Variants in CNTN1 observed in about 807,000 individuals in gnomAD.
CNTN1 encodes the protein contactin 1.
A neutral mutation model predicts 126.4 loss-of-function variants in CNTN1; 38 were observed. The observed-to-expected ratio is 0.30, with a 90% confidence interval of 0.23 to 0.39. CNTN1 has a LOEUF of 0.39. Ranked by LOEUF, CNTN1 falls within the 10% of genes least tolerant of loss-of-function variation. The pLI, the probability that CNTN1 is intolerant of heterozygous loss-of-function variation, is 1.00. For missense variants in CNTN1, 1,009 were observed against 1,248.4 expected, an observed-to-expected ratio of 0.81 and a Z score of 2.89; for synonymous variants, 413 against 422.6, an observed-to-expected ratio of 0.98 and a Z score of 0.28.
At chr12:40,821,002 C>T (rs1050531054) in intron 1 of CNTN1, among the ~76,000 whole-genome samples, 2 of 152,164 alleles carry the variant, frequency 1.3e-5, no homozygotes, top group African/African-American at 4.8e-5. Context: ...GATGACGTCA[C>T]TCCACATTAA....
chr12:41,010,865 GTT>G (rs35933164), intron 17 of CNTN1, among the ~76,000 whole-genome samples: 2 of 145,034 alleles, frequency 1.4e-5, no homozygotes, highest in African/African-American at 2.5e-5. Flanking sequence ...ACTAGGGTTT[GTT>G]TTTTTTTTTA....
intron 1 of CNTN1, among the ~76,000 whole-genome samples, chr12:40,890,874 G>C (rs1944216904): frequency 6.6e-6 from 1 of 152,134 alleles, no homozygotes; most frequent in Non-Finnish European, 1.5e-5. Context: ...GAGTGTGATT[G>C]CTGGATCATA....
intron 16 of CNTN1, among the ~76,000 whole-genome samples, chr12:40,992,459 C>A (rs182381738): frequency 5.0e-4 from 76 of 151,920 alleles, no homozygotes; most frequent in Admixed American, 5.3e-4. Flanking sequence ...CACAGATCTA[C>A]CTTGGTTGCA....
At chr12:40,704,154 C>T (rs768304806) in intron 1 of CNTN1, among the ~76,000 whole-genome samples, 16 of 151,880 alleles carry the variant, frequency 1.1e-4, no homozygotes, top group Non-Finnish European at 2.1e-4. Flanking sequence ...GTCTTATTCT[C>T]GGAGCAATGG....
chr12:40,946,800 G>A (rs1419877190), intron 14 of CNTN1, among the ~76,000 whole-genome samples: 1 of 151,918 alleles, frequency 6.6e-6, no homozygotes, highest in African/African-American at 2.4e-5. Context: ...TGCTATTCTT[G>A]ATTTTAACCA....
At chr12:40,936,628 T>C (rs1301011316) in intron 9 of CNTN1, among the ~76,000 whole-genome samples, 153 bp from the exon 10 acceptor site, 1 of 152,180 alleles carries the variant, frequency 6.6e-6, no homozygotes, top group African/African-American at 2.4e-5. Context: ...GTTAAGCCTA[T>C]GCAAAGACAA....
chr12:40,929,774 A>C lies in CNTN1; in HGVS notation c.497-22A>C, dbSNP rs370237035. The C allele has an allele frequency of 6.6e-5, 104 of 1,575,030 alleles. No homozygotes were observed. The African/African-American group carries it at 1.1e-3, about 17-fold the overall frequency. ...ACTTTGGGAGAAGCACTTAATATTT[A>C]GAAGGCAATATTTTCTCCTAGATGA... On this transcript the variant is annotated intron_variant, in intron 6 of 23. Coordinates refer to ENST00000551295, the MANE Select transcript of CNTN1 (RefSeq NM_001843.4).
chr12:40,760,328 CAAG>C (rs1229159720), intron 1 of CNTN1, among the ~76,000 whole-genome samples: 3 of 152,118 alleles, frequency 2.0e-5, no homozygotes, highest in African/African-American at 7.2e-5. Context: ...GTCATGAAAA[CAAG>C]AGATGACTAT....
chr12:40,928,715 G>A (rs562177518), intron 6 of CNTN1, among the ~76,000 whole-genome samples: 1 of 151,978 alleles, frequency 6.6e-6, no homozygotes, highest in East Asian at 1.9e-4. Flanking sequence ...TAATGCCCAG[G>A]TTATTATTCC....
chr12:40,844,091 G>A (rs548537997), intron 1 of CNTN1, among the ~76,000 whole-genome samples: 1 of 26,384 alleles, frequency 3.8e-5, no homozygotes, highest in African/African-American at 9.5e-5. Flanking sequence ...TTTTTGAGAC[G>A]GAGTCTCACT....
At chr12:40,764,601 G>T (rs1939003532) in intron 1 of CNTN1, among the ~76,000 whole-genome samples, 1 of 152,164 alleles carries the variant, frequency 6.6e-6, no homozygotes, top group South Asian at 2.1e-4. Flanking sequence ...CTTCTCAAAA[G>T]TGCAGAGAAA....
chr12:41,038,660 A>G (rs1238278843), intron 23 of CNTN1, among the ~76,000 whole-genome samples: 3 of 152,208 alleles, frequency 2.0e-5, no homozygotes, highest in Non-Finnish European at 4.4e-5. Flanking sequence ...GGTTCAAGAG[A>G]GCAACTTTCA....
rs781564785 is a variant in CNTN1, at chr12:41,016,893, C to T, written c.2396C>T (p.Ala799Val). 8 of 1,614,014 alleles carry T rather than the reference C, an allele frequency of 5.0e-6. No individual in the cohort carries two copies. The East Asian group carries it at 8.9e-5, about 18-fold the overall frequency. ...GGAGATGGACCTTACAGCCTAGTAG[C>T]AGTCATTAATTCAGCACAAGACGGT... ...NKGDGPYSLV[A>V]VINSAQDAPS... Residue 799 changes from alanine to valine, a missense_variant, in exon 19 of 24, where the codon GCA (alanine) becomes GTA (valine). Physicochemically the swap from Ala to Val is moderately conservative, Grantham distance 64. Transcript: ENST00000551295.
At chr12:40,846,559 TCA>T (rs1241307332) in intron 1 of CNTN1, among the ~76,000 whole-genome samples, 17 of 152,334 alleles carry the variant, frequency 1.1e-4, no homozygotes, top group African/African-American at 3.4e-4. Flanking sequence ...TAGAAAAGCT[TCA>T]CCAGAGTCAA....
intron 1 of CNTN1, among the ~76,000 whole-genome samples, chr12:40,907,856 C>T (rs553165237): frequency 3.3e-5 from 5 of 152,156 alleles, no homozygotes; most frequent in Non-Finnish European, 7.4e-5. Context: ...AAGCCACTAA[C>T]AGAAAATGCT....
At chr12:40,942,264 A>G (rs1946286710) in intron 12 of CNTN1, among the ~76,000 whole-genome samples, 1 of 152,120 alleles carries the variant, frequency 6.6e-6, no homozygotes, top group Admixed American at 6.6e-5. Flanking sequence ...AAGATTAGCT[A>G]TGTAAGAAAT....
intron 1 of CNTN1, among the ~76,000 whole-genome samples, chr12:40,767,432 C>T (rs894707555): frequency 1.4e-5 from 2 of 146,638 alleles, no homozygotes; most frequent in African/African-American, 2.5e-5. Context: ...CCCCAGCCTC[C>T]CGAGTAGCTG....
intron 21 of CNTN1, among the ~76,000 whole-genome samples, chr12:41,027,144 T>G (rs1389386720): frequency 1.3e-5 from 2 of 152,136 alleles, no homozygotes; most frequent in African/African-American, 4.8e-5. Flanking sequence ...TATATTACAT[T>G]TGAGAAATCT....
At chr12:40,796,322 T>C (rs998468123) in intron 1 of CNTN1, among the ~76,000 whole-genome samples, 62 of 152,020 alleles carry the variant, frequency 4.1e-4, no homozygotes, top group Non-Finnish European at 1.5e-5. Flanking sequence ...CATACTTTAA[T>C]AGATTTGCTT....
Sources: gnomAD v4.1 joint callset for allele counts (sites outside exome capture counted in the v4.1 genomes callset) on GRCh38, gnomAD v4.1.1 for gene constraint, MANE v1.5 for transcripts, NCBI Gene and HGNC (gene_info 2026-07-23, HGNC 2026-07-21) for gene names.